Variants in A2ML1 observed in about 807,000 individuals in gnomAD.
A2ML1 encodes the protein alpha-2-macroglobulin like 1.
A2ML1 carries 161 observed loss-of-function variants against 181.9 expected under a neutral mutation model. The observed-to-expected ratio is 0.89, with a 90% CI of 0.78 to 1.01. The LOEUF (loss-of-function observed/expected upper bound fraction) is 1.01, where lower values mean the gene tolerates loss of function less well. Ranked by LOEUF, A2ML1 falls within the 50% of genes least tolerant of loss-of-function variation. The probability of loss-of-function intolerance (pLI) is 0.00; values close to 1 mark genes in which losing one functional copy is unlikely to be tolerated. For synonymous variants in A2ML1, 663 were observed against 666.8 expected, an observed-to-expected ratio of 0.99 and a Z score of 0.09; for missense variants, 1,670 against 1,768.1, an observed-to-expected ratio of 0.94 and a Z score of 1.00.
Position 8,823,300 on chromosome 12 carries a change from A to G in A2ML1, c.181A>G (p.Lys61Glu). 1 of 1,614,158 alleles carries G rather than the reference A, an allele frequency of 6.2e-7. No homozygotes were observed. The highest frequency in any genetic ancestry group is 8.5e-7 in the Non-Finnish European group (1 of 1,180,024). Residue 61 changes from lysine (K) to glutamate (E), a missense_variant, in exon 2 of 36, where the codon AAG (lysine) becomes GAG (glutamate). Coordinates refer to ENST00000299698, the MANE Select transcript of A2ML1 (RefSeq NM_144670.6). ...CACGGTTACTCTGGAGACCAAGGAC[A>G]AGACCCAGAAGTTGCTAGAATACTC... ...KFTVTLETKDKTQKLLEYSGL... is the reference protein window; with the variant it reads ...KFTVTLETKDETQKLLEYSGL...
chr12:8,846,709 G>T (rs1173943814), intron 14 of A2ML1, among the ~76,000 whole-genome samples: 1 of 151,832 alleles, frequency 6.6e-6, no homozygotes, highest in African/African-American at 2.4e-5. Flanking sequence ...TACTTGGGAG[G>T]CTGAGGCAGG....
intron 1 of A2ML1, among the ~76,000 whole-genome samples, chr12:8,822,943 C>T (rs1815694814): frequency 6.6e-6 from 1 of 152,104 alleles, no homozygotes; most frequent in Non-Finnish European, 1.5e-5. Flanking sequence ...CTGAAATAGG[C>T]CTAATTTCCT....
Position 8,852,476 on chromosome 12 carries a change from T to C in A2ML1, c.2590+140T>C. 4.7e-6 allele frequency: 6 copies of C among 1,272,978 alleles called. No homozygotes were observed. The highest frequency in any genetic ancestry group is 2.4e-5 in the Admixed American group (1 of 42,358). 78.9% of individuals were successfully genotyped at this position (1,272,978 alleles called of 1,614,324 possible). On this transcript the variant is annotated intron_variant, in intron 20 of 35. Transcript: ENST00000299698. This position sits in a 1 kb window ranked among gnomAD's most constrained non-coding sequence, Gnocchi z 4.2. ...ATTTTTCTCCCTCCTAAGGCTGTTA[T>C]AAGTCAATACACAAACACTCTTTGA...
chr12:8,885,404 G>C (rs908997009), intron 7 of A2ML1, among the ~76,000 whole-genome samples: 2 of 151,012 alleles, frequency 1.3e-5, no homozygotes, highest in African/African-American at 2.4e-5. Flanking sequence ...TTTACTTCAG[G>C]GTCAAAAAAT....
chr12:8,857,793 G>A lies in A2ML1; in HGVS notation c.3108-153G>A, dbSNP rs1944120557. The stretch of plus-strand genomic sequence containing the variant: ...TGCCTCCCCTGTTCTTGTCCTCATT[G>A]GTGCCCATTAATGCCTCTCTTTTCT... On this transcript the variant is annotated intron_variant, in intron 25 of 35. Transcript: ENST00000299698. 5.1e-6 allele frequency: 6 copies of A among 1,186,316 alleles called. No homozygotes were observed. In the Admixed American group the frequency reaches 1.3e-4, roughly 26 times the overall value. 73.5% of individuals were successfully genotyped at this position (1,186,316 alleles called of 1,614,324 possible). A position where few individuals can be genotyped will look rare whatever the true frequency, so the allele number is the denominator to read the frequency against.
At chr12:8,866,419 C>T (rs904632096) in intron 29 of A2ML1, among the ~76,000 whole-genome samples, 2 of 151,080 alleles carry the variant, frequency 1.3e-5, no homozygotes, top group African/African-American at 4.9e-5. Context: ...AAATTCTTGG[C>T]CAAAGATCAC....
intron 7 of A2ML1, among the ~76,000 whole-genome samples, chr12:8,885,475 G>A (rs1435516264): frequency 6.6e-6 from 1 of 151,688 alleles, no homozygotes; most frequent in African/African-American, 2.4e-5. Flanking sequence ...TAGAAAACAG[G>A]GTCTCACTCT....
At chr12:8,842,365 C>CCTG (rs1943513770) in intron 11 of A2ML1, among the ~76,000 whole-genome samples, 1 of 150,962 alleles carries the variant, frequency 6.6e-6, no homozygotes, top group Non-Finnish European at 1.5e-5. Context: ...ACTACAGGCG[C>CCTG]CTGCCACCAC....
intron 12 of A2ML1, chr12:8,844,966 G>T (rs776925277): frequency 2.2e-6 from 3 of 1,347,400 alleles, no homozygotes; most frequent in Non-Finnish European, 2.8e-6. Context: ...GGACGGGAAG[G>T]GGGAGTTAGA....
intron 3 of A2ML1, among the ~76,000 whole-genome samples, chr12:8,828,682 C>T (rs1180042822): frequency 3.3e-5 from 5 of 152,162 alleles, no homozygotes; most frequent in Non-Finnish European, 7.4e-5. Context: ...AGTCTCTCCC[C>T]ATAGTCACCA....
At chr12:8,855,407 C>T (rs916135864) in intron 22 of A2ML1, 102 bp from the exon 23 acceptor site, 3 of 1,045,554 alleles carry the variant, frequency 2.9e-6, no homozygotes, top group Non-Finnish European at 4.4e-6. Flanking sequence ...GCACCGAGTA[C>T]AGAAATCCCT....
At chr12:8,861,879 C>T (rs1158930711) in intron 28 of A2ML1, among the ~76,000 whole-genome samples, 2 of 152,162 alleles carry the variant, frequency 1.3e-5, no homozygotes, top group Non-Finnish European at 2.9e-5. Flanking sequence ...CCTGCCTCAG[C>T]CTCCCGAGTA....
At chr12:8,842,961 C>T (rs1049954213) in intron 11 of A2ML1, among the ~76,000 whole-genome samples, 173 bp from the exon 12 acceptor site, 2 of 152,178 alleles carry the variant, frequency 1.3e-5, no homozygotes, top group African/African-American at 2.4e-5. Flanking sequence ...TACACAGCTA[C>T]GTTTATGGAT....
intron 14 of A2ML1, 73 bp downstream of exon 14, chr12:8,846,295 A>C (rs1943684416): frequency 1.3e-6 from 2 of 1,563,272 alleles, no homozygotes; most frequent in Middle Eastern, 1.7e-4. Context: ...CTGCGGTTGG[A>C]AACAAGACAA....
chr12:8,832,107 C>G (rs1282024485), intron 4 of A2ML1, among the ~76,000 whole-genome samples: 1 of 152,038 alleles, frequency 6.6e-6, no homozygotes. Context: ...GTGGGGAGTG[C>G]TGATTGGTCA....
intron 29 of A2ML1, among the ~76,000 whole-genome samples, chr12:8,866,435 A>G (rs1236199290): frequency 6.6e-6 from 1 of 151,482 alleles, no homozygotes; most frequent in Non-Finnish European, 1.5e-5. Context: ...ATCACAAAAT[A>G]CTCCTTCTTG....
intron 7 of A2ML1, among the ~76,000 whole-genome samples, chr12:8,882,615 C>T (rs932561872): frequency 6.6e-6 from 1 of 152,134 alleles, no homozygotes; most frequent in Non-Finnish European, 1.5e-5. Context: ...ATACACAAGG[C>T]TGCCTCTATT....
chr12:8,842,107 T>C (rs566373685), intron 11 of A2ML1, among the ~76,000 whole-genome samples: 2 of 152,210 alleles, frequency 1.3e-5, no homozygotes, highest in Non-Finnish European at 2.9e-5. Context: ...TCCGCATGCC[T>C]CTCATGCAGG....
rs1229057255 is a variant in A2ML1, at chr12:8,868,549, C to G, written c.4074C>G (p.Ser1358Arg). 33 of 1,613,750 alleles carry G rather than the reference C, an allele frequency of 2.0e-5. No individual in the cohort carries two copies. Among genetic ancestry groups the G allele is most frequent in the Non-Finnish European group, 2.8e-5 (33 of 1,179,960 alleles). ...TTCCTGCTCTCAGTTATGTGGGGAG[C>G]CGTAGCTCTTCCAATATGGCTATTG... is the stretch of plus-strand genomic sequence containing the variant. ...TLTIHTSYVG[S>R]RSSSNMAIVE... Residue 1358 changes from serine to arginine, a missense_variant, in exon 32 of 36, where the codon AGC becomes AGG. Coordinates refer to ENST00000299698, the MANE Select transcript of A2ML1 (RefSeq NM_144670.6).
Sources: allele counts gnomAD v4.1 joint callset (sites outside exome capture counted in the v4.1 genomes callset), GRCh38; gene constraint gnomAD v4.1.1; non-coding constraint Gnocchi (gnomAD v3.1); transcripts MANE v1.5; gene names NCBI Gene and HGNC (gene_info 2026-07-23, HGNC 2026-07-21).